The following LGR5 variants were observed in gnomAD, a reference collection of about 807,000 sequenced individuals.
The protein encoded by LGR5 is leucine rich repeat containing G protein-coupled receptor 5.
In LGR5, 54 loss-of-function variants were observed where a neutral mutation model predicts 76.7. The observed-to-expected ratio is 0.70, with a 90% CI of 0.57 to 0.88. The LOEUF is 0.88. LGR5 is among the 40% of genes least tolerant of loss of function. The pLI, the probability that LGR5 is intolerant of heterozygous loss-of-function variation, is 0.00. For missense variants in LGR5, 1,078 were observed against 1,073.3 expected (o/e 1.00, Z -0.06); for synonymous variants, 406 against 421.9 (o/e 0.96, Z 0.46).
At chr12:71,462,845 A>T (rs1305788316) in intron 1 of LGR5, among the ~76,000 whole-genome samples, 7 of 152,206 alleles carry the variant, frequency 4.6e-5, no homozygotes, top group African/African-American at 1.7e-4. Context: ...AGACTTCAAA[A>T]CACTTCATTA....
intron 1 of LGR5, among the ~76,000 whole-genome samples, chr12:71,491,091 C>T (rs1874051014): frequency 6.6e-6 from 1 of 152,200 alleles, no homozygotes; most frequent in South Asian, 2.1e-4. Context: ...TTGCCTGCCA[C>T]CATGTAAGAC....
chr12:71,475,528 A>G (rs1018573045), intron 1 of LGR5, among the ~76,000 whole-genome samples: 1 of 152,140 alleles, frequency 6.6e-6, no homozygotes, highest in Admixed American at 6.5e-5. Flanking sequence ...CAACACAAGC[A>G]CTTCCATTCA....
At chr12:71,453,116 A>AC (rs1872316154) in intron 1 of LGR5, among the ~76,000 whole-genome samples, 1 of 152,248 alleles carries the variant, frequency 6.6e-6, no homozygotes, top group Non-Finnish European at 1.5e-5. Context: ...AAAGAACAGC[A>AC]GAAAGGCACC....
chr12:71,584,950 ATAGATC>A lies in LGR5; in HGVS notation c.*217_*222del. On this transcript the variant is annotated 3_prime_UTR_variant, in exon 18 of 18. Coordinates refer to ENST00000266674, the MANE Select transcript of LGR5 (RefSeq NM_003667.4). ...TTTGTATAATTTGTTCAGCTAAGGG[ATAGATC>A]GATCACACTATTTAAGTGAGCCCAG... 4 of 535,660 alleles carry A rather than the reference ATAGATC, an allele frequency of 7.5e-6. No homozygotes were observed. The highest frequency in any genetic ancestry group is 1.3e-5 in the Non-Finnish European group (4 of 305,122). The allele number at this position is 535,660 out of a possible 1,614,324, so 33.2% of individuals were successfully genotyped here.
In LGR5 at chr12:71,503,268, C is replaced by T. The variant is rs565552549; in HGVS notation, c.213-1346C>T. 4.6e-5 allele frequency among the ~76,000 whole-genome samples: 7 copies of T among 152,144 alleles called. No individual in the cohort carries two copies. In the South Asian group the frequency reaches 6.2e-4, roughly 14 times the overall value. On this transcript the variant is annotated intron_variant, in intron 1 of 17. Coordinates refer to ENST00000266674, the MANE Select transcript of LGR5 (RefSeq NM_003667.4). ...TTACTTGACTTTTTTATCTAGACAACGCCAGAAAAATCCAGATTTTTGGAA... is the reference window on the plus strand; with the variant it reads ...TTACTTGACTTTTTTATCTAGACAATGCCAGAAAAATCCAGATTTTTGGAA...
intron 1 of LGR5, among the ~76,000 whole-genome samples, chr12:71,463,352 T>G (rs1265032294): frequency 6.6e-6 from 1 of 152,216 alleles, no homozygotes; most frequent in African/African-American, 2.4e-5. Flanking sequence ...CTGTATATTC[T>G]CTTAGCTTCA....
chr12:71,528,448 C>G (rs992141108), intron 3 of LGR5, among the ~76,000 whole-genome samples: 2 of 152,148 alleles, frequency 1.3e-5, no homozygotes, highest in Middle Eastern at 3.4e-3. Context: ...GGCAACAGAG[C>G]AAGACCTGTC....
intron 1 of LGR5, among the ~76,000 whole-genome samples, chr12:71,451,293 TAC>T (rs1872241319): frequency 1.3e-5 from 2 of 152,340 alleles, no homozygotes. Context: ...AAGAGGAGGT[TAC>T]AGTCTCTTTT....
At chr12:71,509,276 G>A (rs1875025280) in intron 2 of LGR5, among the ~76,000 whole-genome samples, 1 of 152,086 alleles carries the variant, frequency 6.6e-6, no homozygotes, top group Admixed American at 6.5e-5. Context: ...AAGAACGTTG[G>A]TAAACTATAT....
chr12:71,467,616 G>A (rs1872918114), intron 1 of LGR5, among the ~76,000 whole-genome samples: 2 of 152,162 alleles, frequency 1.3e-5, no homozygotes, highest in South Asian at 4.1e-4. Flanking sequence ...TGTAACTTCA[G>A]TAATAATTAG....
intron 1 of LGR5, among the ~76,000 whole-genome samples, chr12:71,468,372 T>G (rs987413481): frequency 2.0e-5 from 3 of 152,176 alleles, no homozygotes; most frequent in Non-Finnish European, 4.4e-5. Context: ...AAAAATGTCT[T>G]GTTTGAGGCA....
intron 11 of LGR5, among the ~76,000 whole-genome samples, chr12:71,570,155 C>T (rs1206943434): frequency 6.6e-6 from 1 of 151,858 alleles, no homozygotes; most frequent in Non-Finnish European, 1.5e-5. Context: ...CTGGGCCTTG[C>T]CGGGGGAGGG....
At position 71,561,713 on chromosome 12, in the gene LGR5, G is replaced by T. The variant is rs1017854116; in HGVS notation, c.786-68G>T. The T allele has an allele frequency of 2.0e-5, 17 of 831,514 alleles. No individual in the cohort carries two copies. The Admixed American group carries it at 3.8e-4, about 19-fold the overall frequency. The allele number at this position is 831,514 out of a possible 1,614,324, so 51.5% of individuals were successfully genotyped here. A position where few individuals can be genotyped will look rare whatever the true frequency, so the allele number is the denominator to read the frequency against. ...GTTCTGATTATTGCCACTGTGGTCAGGGTGGGGGCCTCTATTAAATAATTT... is the reference window on the plus strand; with the variant it reads ...GTTCTGATTATTGCCACTGTGGTCATGGTGGGGGCCTCTATTAAATAATTT... On this transcript the variant is annotated intron_variant, in intron 7 of 17. Coordinates refer to ENST00000266674, the MANE Select transcript of LGR5 (RefSeq NM_003667.4).
chr12:71,546,655 G>A (rs1395465367), intron 4 of LGR5, among the ~76,000 whole-genome samples: 1 of 152,010 alleles, frequency 6.6e-6, no homozygotes, highest in Non-Finnish European at 1.5e-5. Context: ...CCTGATGACT[G>A]CAACTGCCTT....
intron 1 of LGR5, among the ~76,000 whole-genome samples, chr12:71,479,607 T>C (rs77225815): frequency 6.6e-6 from 1 of 151,828 alleles, no homozygotes; most frequent in East Asian, 1.9e-4. Flanking sequence ...ACATATTCTT[T>C]GAGAGGACAT....
intron 2 of LGR5, among the ~76,000 whole-genome samples, chr12:71,508,003 G>A (rs1489472196): frequency 1.3e-5 from 2 of 151,132 alleles, no homozygotes; most frequent in East Asian, 1.9e-4. Flanking sequence ...GGCAGATCAC[G>A]AGTTCAGGAG....
intron 1 of LGR5, among the ~76,000 whole-genome samples, chr12:71,463,751 C>A (rs1238099952): frequency 9.2e-5 from 14 of 152,088 alleles, no homozygotes; most frequent in Admixed American, 9.2e-4. Context: ...ATCTCTGCAA[C>A]AAACAGCTCT....
intron 2 of LGR5, among the ~76,000 whole-genome samples, chr12:71,510,574 A>G (rs142615225): frequency 4.6e-5 from 7 of 151,876 alleles, no homozygotes; most frequent in Admixed American, 3.9e-4. Context: ...AAGAGCAAAT[A>G]CGACTTGCTG....
At chr12:71,546,279 C>T (rs1313410926) in intron 4 of LGR5, among the ~76,000 whole-genome samples, 1 of 151,132 alleles carries the variant, frequency 6.6e-6, no homozygotes, top group African/African-American at 2.4e-5. Context: ...TGGACCACTG[C>T]ACTCCAGCCT....
Sources: allele counts gnomAD v4.1 joint callset (sites outside exome capture counted in the v4.1 genomes callset), GRCh38; gene constraint gnomAD v4.1.1; transcripts MANE v1.5; gene names NCBI Gene and HGNC (gene_info 2026-07-23, HGNC 2026-07-21).